Variants in DZANK1 observed in about 807,000 individuals in gnomAD.
DZANK1 encodes the protein double zinc ribbon and ankyrin repeat domains 1.
A neutral mutation model predicts 94.5 loss-of-function variants in DZANK1; 91 were observed. The ratio of observed to expected loss-of-function variants is 0.96; its 90% confidence interval spans 0.81 to 1.15. DZANK1 has a LOEUF of 1.15. Among genes scored for constraint, DZANK1 ranks in the 50% most tolerant of loss-of-function variants. The pLI is 0.00. For synonymous variants in DZANK1, 312 were observed against 325.3 expected, an observed-to-expected ratio of 0.96 and a Z score of 0.44; for missense variants, 903 against 916.4, an observed-to-expected ratio of 0.99 and a Z score of 0.19.
At chr20:18,453,955 G>C (rs768228396) in intron 4 of DZANK1, 128 bp from the exon 5 acceptor site, 3 of 782,908 alleles carry the variant, frequency 3.8e-6, no homozygotes, top group Admixed American at 3.4e-5. Flanking sequence ...TGTACAAAGT[G>C]ACCCCTGTTT....
At chr20:18,451,930 A>G in intron 6 of DZANK1, 1 of 518,946 alleles carries the variant, frequency 1.9e-6, no homozygotes, top group Non-Finnish European at 3.8e-6. Context: ...GCCAAACAGA[A>G]AACTTTTAAA....
At chr20:18,447,028 C>T (rs2058903241) in intron 7 of DZANK1, among the ~76,000 whole-genome samples, 1 of 152,202 alleles carries the variant, frequency 6.6e-6, no homozygotes, top group Admixed American at 6.5e-5. Flanking sequence ...GTTGACTTAA[C>T]ATTTGAAAAC....
At chr20:18,427,182 T>A (rs757991464) in intron 9 of DZANK1, 23 bp from the exon 10 acceptor site, 16 of 1,578,140 alleles carry the variant, frequency 1.0e-5, no homozygotes, top group Non-Finnish European at 1.4e-5. Context: ...AAATAAGACA[T>A]ACATGTTCCT....
intron 10 of DZANK1, among the ~76,000 whole-genome samples, chr20:18,423,291 C>T (rs1395128617): frequency 6.6e-6 from 1 of 152,096 alleles, no homozygotes; most frequent in East Asian, 1.9e-4. Context: ...AGAATGTTTC[C>T]CTGTCATTAA....
chr20:18,414,514 T>C lies in DZANK1; in HGVS notation c.1078-2A>G, dbSNP rs375647638. The C allele has an allele frequency of 1.3e-6, 2 of 1,596,690 alleles. No individual in the cohort carries two copies. The highest frequency in any genetic ancestry group is 2.7e-5 in the African/African-American group (2 of 74,520). On this transcript the variant is annotated splice_acceptor_variant, in intron 11 of 20. Coordinates refer to ENST00000262547, the Ensembl canonical transcript of DZANK1. LOFTEE classifies it high-confidence loss of function. ...AGAACAGCCAGCAGGAATGCCGAGC[T>C]AGAGGATAGAAAATATCTTGATGAA...
intron 13 of DZANK1, among the ~76,000 whole-genome samples, chr20:18,410,820 T>C (rs1478302250): frequency 6.6e-6 from 1 of 152,122 alleles, no homozygotes; most frequent in Non-Finnish European, 1.5e-5. Flanking sequence ...GTGTGGTGGC[T>C]TGTGCCTGTG....
At chr20:18,405,035 AT>A (rs1168905613) in intron 13 of DZANK1, among the ~76,000 whole-genome samples, 5 of 151,686 alleles carry the variant, frequency 3.3e-5, no homozygotes, top group Admixed American at 1.3e-4. Context: ...CTCTACAAAA[AT>A]TTTTTTTTAA....
intron 7 of DZANK1, among the ~76,000 whole-genome samples, chr20:18,447,648 G>A (rs1284843911): frequency 6.6e-6 from 1 of 151,940 alleles, no homozygotes; most frequent in East Asian, 1.9e-4. Flanking sequence ...TTTTTTAAAG[G>A]CCAAAAGTTT....
chr20:18,419,042 G>A (rs896774767), intron 10 of DZANK1, among the ~76,000 whole-genome samples: 5 of 152,030 alleles, frequency 3.3e-5, no homozygotes, highest in African/African-American at 7.2e-5. Flanking sequence ...CAGGTGGATC[G>A]CTTGAGGTCA....
rs939236972 is a variant in DZANK1, at chr20:18,395,917, A to T, written c.1611+555T>A. 3.3e-5 allele frequency among the ~76,000 whole-genome samples: 5 copies of T among 152,146 alleles called. 1 individual carries two copies. The highest frequency in any genetic ancestry group is 1.2e-4 in the African/African-American group (5 of 41,426). On this transcript the variant is annotated intron_variant, in intron 15 of 20. Coordinates refer to ENST00000262547, the Ensembl canonical transcript of DZANK1. The stretch of plus-strand genomic sequence containing the variant: ...GGCCCATGCTTCTATCCCAATTTCA[A>T]CAACACCATTAGCACCTTGCCAGGG...
chr20:18,458,837 C>T (rs1247111429), intron 3 of DZANK1, among the ~76,000 whole-genome samples: 1 of 152,132 alleles, frequency 6.6e-6, no homozygotes, highest in Non-Finnish European at 1.5e-5. Context: ...CAGGTTGTTT[C>T]CCCCACCCCA....
At chr20:18,400,038 T>C (rs2056587451) in intron 13 of DZANK1, among the ~76,000 whole-genome samples, 1 of 152,228 alleles carries the variant, frequency 6.6e-6, no homozygotes, top group Non-Finnish European at 1.5e-5. Context: ...AGCTTAGTGA[T>C]GTTGAGCCAG....
intron 13 of DZANK1, among the ~76,000 whole-genome samples, chr20:18,409,474 G>A (rs1454641637): frequency 6.6e-6 from 1 of 151,572 alleles, no homozygotes; most frequent in Non-Finnish European, 1.5e-5. Flanking sequence ...AGAATTCATT[G>A]CTAGCAAATC....
chr20:18,410,701 C>T (rs1288330049), intron 13 of DZANK1, among the ~76,000 whole-genome samples: 1 of 152,152 alleles, frequency 6.6e-6, no homozygotes, highest in Non-Finnish European at 1.5e-5. Flanking sequence ...AATCCTAGCA[C>T]TCTGGAAGGC....
chr20:18,447,493 A>T (rs1028179719), intron 7 of DZANK1, among the ~76,000 whole-genome samples: 6 of 150,860 alleles, frequency 4.0e-5, no homozygotes, highest in African/African-American at 1.5e-4. Context: ...CGCACAGCTA[A>T]TTTTTTGTAT....
intron 7 of DZANK1, among the ~76,000 whole-genome samples, chr20:18,447,134 T>G (rs535093909): frequency 1.3e-5 from 2 of 152,300 alleles, no homozygotes; most frequent in African/African-American, 4.8e-5. Flanking sequence ...CAACATCTAT[T>G]CCTGATTTTA....
intron 16 of DZANK1, 86 bp downstream of exon 16, chr20:18,394,168 A>C: frequency 1.7e-6 from 2 of 1,190,540 alleles, no homozygotes; most frequent in Non-Finnish European, 2.4e-6. Flanking sequence ...CCGGGCTGTC[A>C]AACTCTTAGC....
chr20:18,435,732 G>A (rs1459448623), intron 8 of DZANK1, among the ~76,000 whole-genome samples: 1 of 150,572 alleles, frequency 6.6e-6, no homozygotes, highest in Non-Finnish European at 1.5e-5. Context: ...TGCATGTTCT[G>A]CACATGTATC....
At chr20:18,401,185 C>T (rs184187173) in intron 13 of DZANK1, among the ~76,000 whole-genome samples, 3 of 152,296 alleles carry the variant, frequency 2.0e-5, no homozygotes, top group East Asian at 3.9e-4. Context: ...GATCTGCCTG[C>T]CTCGGCCTCC....
Sources: gnomAD v4.1 joint callset for allele counts (sites outside exome capture counted in the v4.1 genomes callset) on GRCh38, gnomAD v4.1.1 for gene constraint, MANE v1.5 for transcripts, NCBI Gene and HGNC (gene_info 2026-07-23, HGNC 2026-07-21) for gene names.